PLA2G4C: variants seen among roughly 807,000 people sequenced by gnomAD.
PLA2G4C encodes the protein phospholipase A2 group IVC.
A neutral mutation model predicts 73.8 loss-of-function variants in PLA2G4C; 64 were observed. The observed-to-expected ratio is 0.87, with a 90% CI of 0.71 to 1.07. The LOEUF (loss-of-function observed/expected upper bound fraction) is 1.07. Ranked by LOEUF, PLA2G4C falls within the 50% of genes least tolerant of loss-of-function variation. The pLI is 0.00. For synonymous variants in PLA2G4C, 254 were observed against 252.1 expected (o/e 1.01, Z -0.07); for missense variants, 622 against 665.4 (o/e 0.93, Z 0.72).
chr19:48,096,114 G>A lies in PLA2G4C; in HGVS notation c.569-510C>T, dbSNP rs1283507518. Among the ~76,000 whole-genome samples, 3 of 152,084 alleles carry A rather than the reference G, an allele frequency of 2.0e-5. No individual in the cohort carries two copies. In the South Asian group the frequency reaches 6.2e-4, roughly 32 times the overall value. ...GGAACTAATTACAAGAGTCTCCCAG[G>A]AGACTGGGAGACCTGGTCTGGGGAT... On this transcript the variant is annotated intron_variant, in intron 6 of 16. Coordinates refer to ENST00000599921, the MANE Select transcript of PLA2G4C (RefSeq NM_003706.3).
At chr19:48,067,459 C>T (rs1009281354) in intron 13 of PLA2G4C, among the ~76,000 whole-genome samples, 6 of 152,064 alleles carry the variant, frequency 3.9e-5, no homozygotes, top group East Asian at 1.9e-4. Flanking sequence ...TGAGCCACTG[C>T]GCCCAGCCCA....
At position 48,101,737 on chromosome 19, in the gene PLA2G4C, C is replaced by G. The variant is rs191643405; in HGVS notation, c.258-1877G>C. 1.6e-3 allele frequency among the ~76,000 whole-genome samples: 221 copies of G among 141,262 alleles called. 1 individual carries two copies. The highest frequency in any genetic ancestry group is 3.9e-3 in the Middle Eastern group (1 of 258). The allele number at this position is 141,262 out of a possible 152,430, so 92.7% of individuals were successfully genotyped here. A position where few individuals can be genotyped will look rare whatever the true frequency, so the allele number is the denominator to read the frequency against. On this transcript the variant is annotated intron_variant, in intron 4 of 16. Transcript: ENST00000599921. ...TCACCCAGGCTGAAGTACAGTGGTT[C>G]GAGCTCGGCTCACTGCAACCTCTGC...
At chr19:48,064,763 C>T (rs1401573248) in intron 13 of PLA2G4C, 2 of 152,122 alleles carry the variant, frequency 1.3e-5, no homozygotes, top group African/African-American at 4.8e-5. Context: ...GACTAGTGCT[C>T]TTCTAAGAAG....
chr19:48,102,547 T>C (rs1466390259), intron 4 of PLA2G4C, among the ~76,000 whole-genome samples: 1 of 152,074 alleles, frequency 6.6e-6, no homozygotes, highest in East Asian at 1.9e-4. Context: ...ATAGAATAGA[T>C]GTGGCTCATG....
intron 4 of PLA2G4C, among the ~76,000 whole-genome samples, chr19:48,100,796 C>CTCGAGTAGCTA: frequency 6.7e-6 from 1 of 149,360 alleles, no homozygotes; most frequent in Non-Finnish European, 1.5e-5. Flanking sequence ...CTACTATAGT[C>CTCGAGTAGCTA]CTAGCTACTC....
chr19:48,098,752 A>C (rs1165534868), intron 5 of PLA2G4C, among the ~76,000 whole-genome samples: 2 of 117,282 alleles, frequency 1.7e-5, no homozygotes, highest in African/African-American at 6.6e-5. Context: ...AAAAAAAAAA[A>C]TTTGTCAGGC....
intron 8 of PLA2G4C, 102 bp downstream of exon 8, chr19:48,090,262 T>A: frequency 1.2e-6 from 1 of 866,440 alleles, no homozygotes; most frequent in Non-Finnish European, 2.0e-6. Context: ...GCTAGAACAA[T>A]TACACACAGG....
intron 1 of PLA2G4C, 76 bp downstream of exon 1, chr19:48,110,411 A>T: frequency 1.1e-6 from 1 of 935,374 alleles, no homozygotes; most frequent in Non-Finnish European, 1.6e-6. Flanking sequence ...CTGTTATTTA[A>T]TTGCACCCAA....
chr19:48,107,046 T>C (rs1178505409), intron 1 of PLA2G4C, among the ~76,000 whole-genome samples: 2 of 152,152 alleles, frequency 1.3e-5, no homozygotes, highest in African/African-American at 4.8e-5. Flanking sequence ...GGTTTCTCCA[T>C]GTTGGCCAGG....
intron 16 of PLA2G4C, 35 bp downstream of exon 16, chr19:48,052,962 C>A (rs1452092320): frequency 6.3e-7 from 1 of 1,578,166 alleles, no homozygotes; most frequent in Non-Finnish European, 8.7e-7. Context: ...ACTGAACGAG[C>A]ATAGGCATCA....
At chr19:48,076,687 G>T (rs928442633) in intron 11 of PLA2G4C, among the ~76,000 whole-genome samples, 88 of 151,598 alleles carry the variant, frequency 5.8e-4, no homozygotes, top group Admixed American at 5.7e-3. Flanking sequence ...AGGTTGCAGT[G>T]AGCTGAGATT....
intron 7 of PLA2G4C, among the ~76,000 whole-genome samples, chr19:48,091,681 G>T (rs1480948087): frequency 1.3e-5 from 2 of 151,920 alleles, no homozygotes; most frequent in Non-Finnish European, 2.9e-5. Context: ...TTGAAGTCAG[G>T]AGTTTAAAGT....
chr19:48,109,887 G>A (rs920314904), intron 1 of PLA2G4C, among the ~76,000 whole-genome samples: 2 of 150,926 alleles, frequency 1.3e-5, no homozygotes, highest in African/African-American at 2.4e-5. Context: ...CTGACCTCAG[G>A]ATCCGCCCGC....
At chr19:48,105,992 T>C (rs1316460936) in intron 2 of PLA2G4C, among the ~76,000 whole-genome samples, 1 of 120,292 alleles carries the variant, frequency 8.3e-6, no homozygotes, top group South Asian at 3.0e-4. Flanking sequence ...CTTTCTTTCT[T>C]TCTCTTTCTC....
At chr19:48,050,673 C>CTTT (rs5828330) in intron 16 of PLA2G4C, among the ~76,000 whole-genome samples, 20,523 of 78,458 alleles carry the variant, frequency 0.26, 5,046 homozygotes, top group Middle Eastern at 0.4. Flanking sequence ...GAGTATGTGA[C>CTTT]TTTTTTTTTT....
intron 7 of PLA2G4C, among the ~76,000 whole-genome samples, chr19:48,092,529 AT>A (rs1411622803): frequency 6.6e-6 from 1 of 152,258 alleles, no homozygotes; most frequent in East Asian, 1.9e-4. Flanking sequence ...GGATGAATTG[AT>A]AAGCAAAATG....
intron 6 of PLA2G4C, chr19:48,097,251 C>CTTCTTTTTTTTTTTTTTT (rs1340148092): frequency 3.5e-5 from 3 of 86,576 alleles, no homozygotes; most frequent in African/African-American, 1.5e-4. Flanking sequence ...TTTCTTTTTT[C>CTTCTTTTTTTTTTTTTTT]TTTTTTTTTT....
At chr19:48,102,127 T>C (rs1239459548) in intron 4 of PLA2G4C, among the ~76,000 whole-genome samples, 1 of 152,094 alleles carries the variant, frequency 6.6e-6, no homozygotes, top group Admixed American at 6.6e-5. Context: ...GCTAATGTTT[T>C]GGATATATTG....
chr19:48,050,660 TGTGA>T (rs1486179672), intron 16 of PLA2G4C, among the ~76,000 whole-genome samples: 3 of 135,776 alleles, frequency 2.2e-5, no homozygotes, highest in Admixed American at 8.1e-5. Flanking sequence ...CCCTAGAGCC[TGTGA>T]GTATGTGACT....
Sources: gnomAD v4.1 joint callset for allele counts (sites outside exome capture counted in the v4.1 genomes callset) on GRCh38, gnomAD v4.1.1 for gene constraint, MANE v1.5 for transcripts, NCBI Gene and HGNC (gene_info 2026-07-23, HGNC 2026-07-21) for gene names.